CDR2: variants seen among roughly 807,000 people sequenced by gnomAD.
CDR2 encodes cerebellar degeneration-related protein 2.
Under a neutral mutation model 48.4 loss-of-function variants are expected in CDR2, and 34 were observed. The ratio of observed to expected loss-of-function variants is 0.70; its 90% confidence interval spans 0.53 to 0.94. The LOEUF (loss-of-function observed/expected upper bound fraction) is 0.94, where lower values mean the gene tolerates loss of function less well. Ranked by LOEUF, CDR2 falls within the 40% of genes least tolerant of loss-of-function variation. The pLI, the probability that CDR2 is intolerant of heterozygous loss-of-function variation, is 0.00. For synonymous variants in CDR2, 240 were observed against 219.7 expected (o/e 1.09, Z -0.82); for missense variants, 498 against 549.5 (o/e 0.91, Z 0.94).
intron 2 of CDR2, 40 bp downstream of exon 2, chr16:22,364,862 C>A: frequency 5.2e-6 from 6 of 1,145,830 alleles, no homozygotes; most frequent in East Asian, 2.4e-5. Flanking sequence ...AGCAACACAT[C>A]GAAGTGTCAA....
intron 2 of CDR2, among the ~76,000 whole-genome samples, chr16:22,361,840 G>A (rs1286224205): frequency 6.7e-6 from 1 of 149,620 alleles, no homozygotes; most frequent in East Asian, 2.0e-4. Flanking sequence ...TCATGAATAT[G>A]TTTCCCGAAA....
chr16:22,349,604 C>T, intron 3 of CDR2, 97 bp downstream of exon 3: 1 of 1,403,480 alleles, frequency 7.1e-7, no homozygotes, highest in Non-Finnish European at 9.8e-7. Flanking sequence ...TAAACCTTAT[C>T]CCATATTGAC....
At chr16:22,368,012 A>C (rs1236196388) in intron 1 of CDR2, among the ~76,000 whole-genome samples, 1 of 152,168 alleles carries the variant, frequency 6.6e-6, no homozygotes, top group Non-Finnish European at 1.5e-5. Context: ...GCTTGAGCTC[A>C]GAAGTTCGAG....
Position 22,359,074 on chromosome 16 carries a change from A to G in CDR2, c.192+5828T>C, listed in dbSNP as rs77109100. Among the ~76,000 whole-genome samples, 778 of 152,218 alleles carry G rather than the reference A, an allele frequency of 5.1e-3. 8 individuals carry two copies. The highest frequency in any genetic ancestry group is 0.018 in the African/African-American group (751 of 41,522). On this transcript the variant is annotated intron_variant, in intron 2 of 4. Transcript: ENST00000268383. The stretch of plus-strand genomic sequence containing the variant: ...TCAAAACGTCACAGGCGCCCCAGAT[A>G]TATGTAAAGCTGTTATATATCCATA...
chr16:22,364,991 C>T lies in CDR2; in HGVS notation c.103G>A (p.Gly35Arg). Residue 35 changes from glycine (G) to arginine (R), a missense_variant, in exon 2 of 5, where the codon GGG becomes AGG. Gly to Arg is a moderately radical substitution (Grantham distance 125). Coordinates refer to ENST00000268383, the MANE Select transcript of CDR2 (RefSeq NM_001802.2). Reference protein sequence around the residue: ...QQDLQLAAELGKTLLDRNTEL... With the variant: ...QQDLQLAAELRKTLLDRNTEL... ...GTGTTCCGATCCAGTAATGTCTTCC[C>T]AAGCTCAGCAGCAAGTTGAAGATCT... is the stretch of plus-strand genomic sequence containing the variant. The T allele has an allele frequency of 6.2e-7, 1 of 1,612,218 alleles. No individual in the cohort carries two copies. The highest frequency in any genetic ancestry group is 1.1e-5 in the South Asian group (1 of 91,048).
At chr16:22,363,618 G>A (rs1482203041) in intron 2 of CDR2, among the ~76,000 whole-genome samples, 3 of 152,174 alleles carry the variant, frequency 2.0e-5, no homozygotes, top group Non-Finnish European at 4.4e-5. Flanking sequence ...ATGATGAACT[G>A]CTTCACTGTT....
Position 22,346,871 on chromosome 16 carries a change from G to A in CDR2, c.*94C>T. 4 of 1,353,094 alleles carry A rather than the reference G, an allele frequency of 3.0e-6. No individual in the cohort carries two copies. The highest frequency in any genetic ancestry group is 3.1e-6 in the Non-Finnish European group (3 of 980,342). 83.8% of individuals were successfully genotyped at this position (1,353,094 alleles called of 1,614,324 possible). ...CAAAGCAATGAGGCAAACGTCATGAGTAACATTAGGCTTCAGAGTCTACAA... is the reference window on the plus strand; with the variant it reads ...CAAAGCAATGAGGCAAACGTCATGAATAACATTAGGCTTCAGAGTCTACAA... On this transcript the variant is annotated 3_prime_UTR_variant, in exon 5 of 5. Transcript: ENST00000268383.
intron 1 of CDR2, among the ~76,000 whole-genome samples, chr16:22,366,111 T>G (rs1161840312): frequency 6.6e-6 from 1 of 152,262 alleles, no homozygotes; most frequent in Admixed American, 6.5e-5. Context: ...TGCCAGGCAC[T>G]ATGCTAAGCA....
At chr16:22,370,854 C>A (rs1177860611) in intron 1 of CDR2, among the ~76,000 whole-genome samples, 1 of 152,180 alleles carries the variant, frequency 6.6e-6, no homozygotes, top group Non-Finnish European at 1.5e-5. Flanking sequence ...CTATTCAGAG[C>A]ATGGCTTACT....
chr16:22,364,192 C>T (rs1003776184), intron 2 of CDR2, among the ~76,000 whole-genome samples: 4 of 152,100 alleles, frequency 2.6e-5, no homozygotes, highest in African/African-American at 9.7e-5. Flanking sequence ...ATCTGTCTCC[C>T]TCGGCATCCT....
At chr16:22,356,522 G>A (rs1227227063) in intron 2 of CDR2, among the ~76,000 whole-genome samples, 1 of 152,198 alleles carries the variant, frequency 6.6e-6, no homozygotes, top group Non-Finnish European at 1.5e-5. Context: ...GGAGGCCGAG[G>A]CAGGTGGATC....
At chr16:22,349,900 G>C in intron 2 of CDR2, 51 bp from the exon 3 acceptor site, 1 of 1,580,070 alleles carries the variant, frequency 6.3e-7, no homozygotes, top group South Asian at 1.1e-5. Flanking sequence ...GATACCTGCT[G>C]TTTCTTGGCT....
intron 2 of CDR2, among the ~76,000 whole-genome samples, chr16:22,358,555 G>A (rs1301938287): frequency 2.0e-5 from 3 of 152,050 alleles, no homozygotes; most frequent in Non-Finnish European, 4.4e-5. Context: ...TGGAACGCAG[G>A]GAAAGATAGA....
chr16:22,349,665 C>T (rs1229653797), intron 3 of CDR2, 36 bp downstream of exon 3: 3 of 1,608,494 alleles, frequency 1.9e-6, no homozygotes, highest in Non-Finnish European at 1.7e-6. Context: ...AAGAACTTCC[C>T]CCTAGTCCTT....
chr16:22,351,416 C>G (rs2048941204), intron 2 of CDR2, among the ~76,000 whole-genome samples: 1 of 152,112 alleles, frequency 6.6e-6, no homozygotes, highest in Non-Finnish European at 1.5e-5. Flanking sequence ...AATTCTAGTT[C>G]TAGATCCTTG....
At chr16:22,356,953 G>GAAAAAAAAA (rs1162529433) in intron 2 of CDR2, among the ~76,000 whole-genome samples, 2 of 87,518 alleles carry the variant, frequency 2.3e-5, no homozygotes, top group Non-Finnish European at 4.6e-5. Context: ...AAAAAAAAAA[G>GAAAAAAAAA]AAAAAAAAAA....
chr16:22,357,161 G>GC (rs1208512562), intron 2 of CDR2, among the ~76,000 whole-genome samples: 1 of 152,156 alleles, frequency 6.6e-6, no homozygotes, highest in African/African-American at 2.4e-5. Context: ...TGATTCTGCT[G>GC]CCTCAGCCTC....
chr16:22,370,951 G>A (rs1421086207), intron 1 of CDR2, among the ~76,000 whole-genome samples: 4 of 152,206 alleles, frequency 2.6e-5, no homozygotes, highest in Non-Finnish European at 4.4e-5. Flanking sequence ...GGTGGTTCAC[G>A]CCTGTAATCC....
chr16:22,373,880 A>G (rs1000691816), intron 1 of CDR2, among the ~76,000 whole-genome samples: 7 of 152,222 alleles, frequency 4.6e-5, no homozygotes, highest in African/African-American at 1.4e-4. Context: ...TTCTCGGGCT[A>G]TGCCACTTAC....
Sources: gnomAD v4.1 joint callset for allele counts (sites outside exome capture counted in the v4.1 genomes callset) on GRCh38, gnomAD v4.1.1 for gene constraint, MANE v1.5 for transcripts, NCBI Gene and HGNC (gene_info 2026-07-23, HGNC 2026-07-21) for gene names.